MRPS23: variants seen among roughly 807,000 people sequenced by gnomAD.
The protein encoded by MRPS23 is small ribosomal subunit protein mS23.
MRPS23 carries 14 observed loss-of-function variants against 19.8 expected under a neutral mutation model. The observed-to-expected ratio is 0.71, with a 90% confidence interval of 0.47 to 1.11. MRPS23 has a LOEUF of 1.11. MRPS23 is among the 50% of genes least tolerant of loss of function. The pLI, the probability that MRPS23 is intolerant of heterozygous loss-of-function variation, is 0.00. For missense variants in MRPS23, 242 were observed against 236.7 expected (o/e 1.02, Z -0.15); for synonymous variants, 113 against 89.7 (o/e 1.26, Z -1.47).
At chr17:57,841,493 C>T (rs933692705) in intron 2 of MRPS23, among the ~76,000 whole-genome samples, 1 of 152,206 alleles carries the variant, frequency 6.6e-6, no homozygotes, top group Non-Finnish European at 1.5e-5. Context: ...CCTCCCACTT[C>T]TGCACCCCAG....
At chr17:57,843,114 A>G (rs2144875529) in intron 2 of MRPS23, among the ~76,000 whole-genome samples, 1 of 152,050 alleles carries the variant, frequency 6.6e-6, no homozygotes, top group African/African-American at 2.4e-5. Context: ...ATCTCTACAA[A>G]AAAAATTAAA....
chr17:57,842,965 T>C (rs2073750459), intron 2 of MRPS23, among the ~76,000 whole-genome samples: 1 of 134,918 alleles, frequency 7.4e-6, no homozygotes, highest in African/African-American at 2.8e-5. Context: ...ACACCTGTAA[T>C]CCCAGCAAAA....
rs1471487791 is a variant in MRPS23, at chr17:57,846,943, T to A, written c.215+2297A>T. 1.2e-4 allele frequency among the ~76,000 whole-genome samples: 18 copies of A among 148,292 alleles called. No homozygotes were observed. The East Asian group carries it at 1.6e-3, about 13-fold the overall frequency. On this transcript the variant is annotated intron_variant, in intron 2 of 4. Coordinates refer to ENST00000313608, the MANE Select transcript of MRPS23 (RefSeq NM_016070.4). ...TATAAAAAATAAAAAATAATAAAAA[T>A]AAATTAAAAATAAAAAATAAAAAAA...
At chr17:57,840,026 T>C (rs188869280) in intron 4 of MRPS23, 91 bp from the exon 5 acceptor site, 90 of 1,466,476 alleles carry the variant, frequency 6.1e-5, no homozygotes, top group Non-Finnish European at 8.3e-5. Context: ...ATTCTGTCAC[T>C]GAGTGAAAAA....
intron 4 of MRPS23, among the ~76,000 whole-genome samples, 170 bp from the exon 5 acceptor site, chr17:57,840,105 G>A (rs1040464798): frequency 6.6e-6 from 1 of 152,160 alleles, no homozygotes; most frequent in Non-Finnish European, 1.5e-5. Context: ...AAAGTCTATA[G>A]GGCCGGGCGT....
chr17:57,846,783 A>G (rs1040532375), intron 2 of MRPS23, among the ~76,000 whole-genome samples: 1 of 152,148 alleles, frequency 6.6e-6, no homozygotes, highest in African/African-American at 2.4e-5. Flanking sequence ...ACTGCGGAAG[A>G]ACGCAGGGAC....
Position 57,836,606 on chromosome 17 carries a change from G to C in MRPS23, c.*3177C>G, listed in dbSNP as rs1180082118. 6.6e-6 allele frequency: 1 copy of C among 151,910 alleles called. No homozygotes were observed. The highest frequency in any genetic ancestry group is 1.9e-4 in the East Asian group (1 of 5,146). 9.4% of individuals were successfully genotyped at this position (151,910 alleles called of 1,614,324 possible). On this transcript the variant is annotated 3_prime_UTR_variant, in exon 5 of 5. Coordinates refer to ENST00000313608, the MANE Select transcript of MRPS23 (RefSeq NM_016070.4). ...ACCTCTACTGTACTTTTATATCAAA[G>C]TTTAAAAGGATTCCTGTTCATCTTG... is the stretch of plus-strand genomic sequence containing the variant.
In MRPS23 at chr17:57,849,557, T is replaced by C. The variant is rs866724684; in HGVS notation, c.45-147A>G. On this transcript the variant is annotated intron_variant, in intron 1 of 4. Transcript: ENST00000313608. ...GACTGCTCCCCACCTACAGAGAAGATCTGTCCACATCCCAAACCAAACTTA... is the reference window on the plus strand; with the variant it reads ...GACTGCTCCCCACCTACAGAGAAGACCTGTCCACATCCCAAACCAAACTTA... 40 of 962,132 alleles carry C rather than the reference T, an allele frequency of 4.2e-5. No individual in the cohort carries two copies. In the African/African-American group the frequency reaches 5.6e-4, roughly 13 times the overall value. 59.6% of individuals were successfully genotyped at this position (962,132 alleles called of 1,614,324 possible).
chr17:57,840,057 T>A, intron 4 of MRPS23, 122 bp from the exon 5 acceptor site: 1 of 1,145,694 alleles, frequency 8.7e-7, no homozygotes, highest in Admixed American at 2.2e-5. Flanking sequence ...ATATCTTAGA[T>A]CCAATTCTAC....
At chr17:57,846,121 A>G in intron 2 of MRPS23, among the ~76,000 whole-genome samples, 1 of 151,198 alleles carries the variant, frequency 6.6e-6, no homozygotes, top group East Asian at 2.0e-4. Flanking sequence ...GGTGGGGGGC[A>G]GCCCCCACCC....
chr17:57,843,447 C>A (rs761470351), intron 2 of MRPS23, among the ~76,000 whole-genome samples: 3 of 152,138 alleles, frequency 2.0e-5, no homozygotes, highest in African/African-American at 4.8e-5. Flanking sequence ...TGTGAACTGT[C>A]CAAGTTCTTT....
In MRPS23 at chr17:57,839,805, G is replaced by C. The variant is rs751651463; in HGVS notation, c.551C>G (p.Ser184Trp). The C allele has an allele frequency of 1.7e-5, 27 of 1,614,006 alleles. No homozygotes were observed. Among genetic ancestry groups the C allele is most frequent in the Non-Finnish European group, 2.1e-5 (25 of 1,180,010 alleles). ...DQHLEAPADQ[S>W]KGLLPP ...CCTTCAGGGAGGCAAGAGACCTTTCGACTGGTCTGCAGGTGCCTCCAAATG... is the reference window on the plus strand; with the variant it reads ...CCTTCAGGGAGGCAAGAGACCTTTCCACTGGTCTGCAGGTGCCTCCAAATG... The change falls in exon 5 of 5, where the codon TCG (serine) becomes TGG (tryptophan). Residue 184 changes from serine to tryptophan, a missense_variant. Physicochemically the swap from Ser to Trp is radical, Grantham distance 177 (BLOSUM62 -3). Coordinates refer to ENST00000313608, the MANE Select transcript of MRPS23 (RefSeq NM_016070.4).
At position 57,839,640 on chromosome 17, in the gene MRPS23, G is replaced by T; in HGVS notation, c.*143C>A. 1 of 1,070,920 alleles carries T rather than the reference G, an allele frequency of 9.3e-7. No homozygotes were observed. The highest frequency in any genetic ancestry group is 1.3e-6 in the Non-Finnish European group (1 of 767,830). The allele number at this position is 1,070,920 out of a possible 1,614,324, so 66.3% of individuals were successfully genotyped here. The stretch of plus-strand genomic sequence containing the variant: ...GTCAAACCATGATACTGAGCTTTGT[G>T]ACAACCCAGAAATAACTAAGAGAAG... On this transcript the variant is annotated 3_prime_UTR_variant, in exon 5 of 5. Coordinates refer to ENST00000313608, the MANE Select transcript of MRPS23 (RefSeq NM_016070.4).
rs1172458239 is a variant in MRPS23 at position 57,842,891 on chromosome 17, T to TATACAC, written c.216-1632_216-1631insGTGTAT. On this transcript the variant is annotated intron_variant, in intron 2 of 4. Transcript: ENST00000313608. ...AAAAAAAAAAAAAAATATATATATA[T>TATACAC]ACACACACACACACACACACACACA... Among the ~76,000 whole-genome samples the TATACAC allele has an allele frequency of 1.9e-3, 147 of 76,596 alleles. 1 individual carries two copies. The highest frequency in any genetic ancestry group is 7.1e-3 in the African/African-American group (142 of 20,000). The allele number at this position is 76,596 out of a possible 152,430, so 50.2% of individuals were successfully genotyped here.
intron 2 of MRPS23, chr17:57,848,813 T>C (rs2073792984): frequency 7.3e-6 from 1 of 136,594 alleles, no homozygotes; most frequent in Non-Finnish European, 1.6e-5. Context: ...GTCAGAGATG[T>C]GATTCCCAGA....
intron 2 of MRPS23, among the ~76,000 whole-genome samples, chr17:57,846,115 G>A (rs1274893905): frequency 6.6e-6 from 1 of 151,738 alleles, no homozygotes; most frequent in Admixed American, 6.6e-5. Context: ...AAATAAGGTG[G>A]GGGGCAGCCC....
rs1271542281 is a variant in MRPS23 at position 57,836,335 on chromosome 17, G to C, written c.*3448C>G. ...AGGAGTACAAACAGTAGGCCAGGTAGACCAACAGCAGTGAAGCACCTTATG... is the reference window on the plus strand; with the variant it reads ...AGGAGTACAAACAGTAGGCCAGGTACACCAACAGCAGTGAAGCACCTTATG... On this transcript the variant is annotated 3_prime_UTR_variant, in exon 5 of 5. Transcript: ENST00000313608. The C allele has an allele frequency of 6.6e-6, 1 of 152,218 alleles. No homozygotes were observed. The highest frequency in any genetic ancestry group is 1.5e-5 in the Non-Finnish European group (1 of 68,052). 9.4% of individuals were successfully genotyped at this position (152,218 alleles called of 1,614,324 possible). A position where few individuals can be genotyped will look rare whatever the true frequency, so the allele number is the denominator to read the frequency against.
Position 57,849,225 on chromosome 17 carries a change from G to T in MRPS23, c.215+15C>A, listed in dbSNP as rs200749024. 3.7e-6 allele frequency: 6 copies of T among 1,613,594 alleles called. No individual in the cohort carries two copies. Among genetic ancestry groups the T allele is most frequent in the Non-Finnish European group, 5.1e-6 (6 of 1,179,786 alleles). ...GTTCTGTTGCCTCCTGTCCACTACAGGGCTGAGCACTCACGCTCTAATCCG... is the reference window on the plus strand; with the variant it reads ...GTTCTGTTGCCTCCTGTCCACTACATGGCTGAGCACTCACGCTCTAATCCG... On this transcript the variant is annotated intron_variant, in intron 2 of 4. Coordinates refer to ENST00000313608, the MANE Select transcript of MRPS23 (RefSeq NM_016070.4).
rs1180359125 is a variant in MRPS23, at chr17:57,836,347, T to G, written c.*3436A>C. The stretch of plus-strand genomic sequence containing the variant: ...AGTAGGCCAGGTAGACCAACAGCAG[T>G]GAAGCACCTTATGAACACAATCTGT... On this transcript the variant is annotated 3_prime_UTR_variant, in exon 5 of 5. Coordinates refer to ENST00000313608, the MANE Select transcript of MRPS23 (RefSeq NM_016070.4). 6.6e-6 allele frequency: 1 copy of G among 152,200 alleles called. No homozygotes were observed. The highest frequency in any genetic ancestry group is 2.4e-5 in the African/African-American group (1 of 41,452). 9.4% of individuals were successfully genotyped at this position (152,200 alleles called of 1,614,324 possible).
Sources: allele counts gnomAD v4.1 joint callset (sites outside exome capture counted in the v4.1 genomes callset), GRCh38; gene constraint gnomAD v4.1.1; transcripts MANE v1.5; gene names NCBI Gene and HGNC (gene_info 2026-07-23, HGNC 2026-07-21).